The following FBN1 variants were observed in gnomAD, a reference collection of about 807,000 sequenced individuals.
FBN1 encodes the protein fibrillin-1.
FBN1 carries 29 observed loss-of-function variants against 365.1 expected under a neutral mutation model. The observed-to-expected ratio is 0.08, with a 90% confidence interval of 0.06 to 0.11. The LOEUF (loss-of-function observed/expected upper bound fraction) is 0.11. Ranked by LOEUF, FBN1 falls within the 10% of genes least tolerant of loss-of-function variation. FBN1 has a pLI of 1.00. For synonymous variants in FBN1, 1,210 were observed against 1,270.5 expected (o/e 0.95, Z 1.01); for missense variants, 2,476 against 3,703.2 (o/e 0.67, Z 8.60).
intron 6 of FBN1, among the ~76,000 whole-genome samples, chr15:48,556,948 C>T (rs549154229): frequency 2.6e-4 from 39 of 152,112 alleles, no homozygotes; most frequent in Non-Finnish European, 4.6e-4. Context: ...TAAAGTAACG[C>T]GAAACATCCT....
chr15:48,566,380 T>C (rs1486072881), intron 6 of FBN1, among the ~76,000 whole-genome samples: 1 of 152,222 alleles, frequency 6.6e-6, no homozygotes, highest in Non-Finnish European at 1.5e-5. Context: ...TAAACACCTA[T>C]TTTACTTGTG....
At chr15:48,525,361 G>A (rs2043901498) in intron 9 of FBN1, among the ~76,000 whole-genome samples, 1 of 152,196 alleles carries the variant, frequency 6.6e-6, no homozygotes, top group Non-Finnish European at 1.5e-5. Flanking sequence ...AAAGTGCTGG[G>A]ATTAGAGGTG....
chr15:48,520,616 G>A, intron 10 of FBN1, 43 bp downstream of exon 10: 1 of 1,610,866 alleles, frequency 6.2e-7, no homozygotes, highest in Non-Finnish European at 8.5e-7. Flanking sequence ...GGCTTGTGAG[G>A]GCTGGGATGG....
chr15:48,606,593 G>T (rs190789097), intron 4 of FBN1, among the ~76,000 whole-genome samples: 3 of 152,234 alleles, frequency 2.0e-5, no homozygotes, highest in South Asian at 4.2e-4. Context: ...GAATTATGTC[G>T]GGAAGAAAAT....
chr15:48,637,026 T>C (rs1020568907), intron 2 of FBN1, among the ~76,000 whole-genome samples: 5 of 152,212 alleles, frequency 3.3e-5, no homozygotes, highest in African/African-American at 1.2e-4. Context: ...ACTTCGTGTA[T>C]GGTAAGTTTG....
chr15:48,427,224 G>T (rs1465371902), intron 58 of FBN1, among the ~76,000 whole-genome samples: 2 of 152,246 alleles, frequency 1.3e-5, no homozygotes, highest in South Asian at 2.1e-4. Flanking sequence ...TTGGTGGACT[G>T]GTTTGCACAT....
chr15:48,511,695 T>C (rs570009215), intron 13 of FBN1, among the ~76,000 whole-genome samples: 13 of 152,332 alleles, frequency 8.5e-5, no homozygotes, highest in African/African-American at 2.9e-4. Flanking sequence ...AGCAAAATAA[T>C]GTGAGCACGT....
chr15:48,455,303 T>A (rs1214953663), intron 44 of FBN1, among the ~76,000 whole-genome samples: 4 of 152,238 alleles, frequency 2.6e-5, no homozygotes, highest in African/African-American at 9.6e-5. Context: ...CTCATGGATC[T>A]AGCAAGGTCT....
At chr15:48,433,781 T>C (rs2043042023) in intron 54 of FBN1, among the ~76,000 whole-genome samples, 2 of 152,192 alleles carry the variant, frequency 1.3e-5, no homozygotes, top group Non-Finnish European at 2.9e-5. Flanking sequence ...TTACCACAAC[T>C]CTGACAATGG....
At chr15:48,436,509 A>T (rs1206377223) in intron 53 of FBN1, among the ~76,000 whole-genome samples, 2 of 152,194 alleles carry the variant, frequency 1.3e-5, no homozygotes, top group African/African-American at 4.8e-5. Context: ...TTGACATTTT[A>T]AAAACAGGGT....
intron 2 of FBN1, among the ~76,000 whole-genome samples, chr15:48,637,836 A>G (rs1488902496): frequency 1.3e-5 from 2 of 152,214 alleles, no homozygotes; most frequent in Admixed American, 6.5e-5. Context: ...AGAGGTTGTT[A>G]AACTTTTTCT....
At chr15:48,471,451 T>C (rs551141015) in intron 35 of FBN1, among the ~76,000 whole-genome samples, 37 of 152,316 alleles carry the variant, frequency 2.4e-4, no homozygotes, top group African/African-American at 8.9e-4. Context: ...ACTATTTGTG[T>C]CACCAGAGGT....
intron 2 of FBN1, among the ~76,000 whole-genome samples, chr15:48,631,856 CAGGGT>C (rs1889995227): frequency 1.3e-5 from 2 of 152,336 alleles, no homozygotes; most frequent in East Asian, 3.9e-4. Flanking sequence ...TTCTAACTCC[CAGGGT>C]ATCTCTGCAC....
chr15:48,505,371 T>C (rs1020124041), intron 15 of FBN1, among the ~76,000 whole-genome samples: 3 of 152,214 alleles, frequency 2.0e-5, no homozygotes, highest in African/African-American at 7.2e-5. Flanking sequence ...GTAACTTTAA[T>C]ATATTCTCCC....
intron 48 of FBN1, among the ~76,000 whole-genome samples, 188 bp from the exon 49 acceptor site, chr15:48,444,848 C>T (rs891626414): frequency 2.6e-5 from 4 of 151,828 alleles, no homozygotes; most frequent in African/African-American, 9.7e-5. Flanking sequence ...AAATGTATAG[C>T]ATAACAACCA....
chr15:48,588,232 A>G (rs2044451302), intron 6 of FBN1, among the ~76,000 whole-genome samples: 1 of 152,220 alleles, frequency 6.6e-6, no homozygotes, highest in Non-Finnish European at 1.5e-5. Context: ...ATAATTTTTA[A>G]TACTGAGTAT....
chr15:48,567,186 A>G (rs1191650181), intron 6 of FBN1, among the ~76,000 whole-genome samples: 1 of 152,242 alleles, frequency 6.6e-6, no homozygotes, highest in Non-Finnish European at 1.5e-5. Flanking sequence ...AAACACAGAA[A>G]TTAAGAGTAA....
At chr15:48,554,602 G>C (rs1177072071) in intron 6 of FBN1, among the ~76,000 whole-genome samples, 2 of 152,068 alleles carry the variant, frequency 1.3e-5, no homozygotes, top group Non-Finnish European at 2.9e-5. Context: ...TCCTAAATGG[G>C]TATCAGTCAT....
At chr15:48,499,112 A>C in intron 17 of FBN1, 74 bp from the exon 18 acceptor site, 1 of 1,454,242 alleles carries the variant, frequency 6.9e-7, no homozygotes, top group Non-Finnish European at 9.7e-7. Context: ...GGTTTTGCAC[A>C]CATCATTTCC....
Sources: gnomAD v4.1 joint callset for allele counts (sites outside exome capture counted in the v4.1 genomes callset) on GRCh38, gnomAD v4.1.1 for gene constraint, MANE v1.5 for transcripts, NCBI Gene and HGNC (gene_info 2026-07-23, HGNC 2026-07-21) for gene names.